Variants in EPS8 observed in about 807,000 individuals in gnomAD.
The protein encoded by EPS8 is epidermal growth factor receptor kinase substrate 8.
A neutral mutation model predicts 103.8 loss-of-function variants in EPS8; 42 were observed. The observed-to-expected ratio is 0.40, with a 90% confidence interval of 0.32 to 0.52. EPS8 has a LOEUF of 0.52. Among genes scored for constraint, EPS8 ranks in the 20% least tolerant of loss-of-function variants. The pLI, the probability that EPS8 is intolerant of heterozygous loss-of-function variation, is 0.40. For synonymous variants in EPS8, 344 were observed against 344.6 expected (o/e 1.00, Z 0.02); for missense variants, 969 against 1,005.1 (o/e 0.96, Z 0.49).
chr12:15,771,971 A>C lies in EPS8; in HGVS notation c.-22+17190T>G, dbSNP rs953234069. Among the ~76,000 whole-genome samples, 4 of 152,054 alleles carry C rather than the reference A, an allele frequency of 2.6e-5. No homozygotes were observed. The highest frequency in any genetic ancestry group is 9.7e-5 in the African/African-American group (4 of 41,382). On this transcript the variant is annotated intron_variant, in intron 1 of 20. Transcript: ENST00000281172. The surrounding 1 kb of genome is among the most constrained non-coding windows in gnomAD (Gnocchi z 4.6). ...AACCCCGTCTCTACTAAAAATACAAAAAATTAGCAGGGCATAGTGGCGGGC... is the reference window on the plus strand; with the variant it reads ...AACCCCGTCTCTACTAAAAATACAACAAATTAGCAGGGCATAGTGGCGGGC...
At chr12:15,658,824 T>C (rs571084171) in intron 10 of EPS8, among the ~76,000 whole-genome samples, 3 of 152,300 alleles carry the variant, frequency 2.0e-5, no homozygotes, top group South Asian at 2.1e-4. Flanking sequence ...ACATACATTG[T>C]AGCCTTTCTC....
intron 1 of EPS8, among the ~76,000 whole-genome samples, chr12:15,689,429 C>T (rs1253096382): frequency 6.6e-6 from 1 of 152,090 alleles, no homozygotes; most frequent in Non-Finnish European, 1.5e-5. Context: ...CCTACCAGGG[C>T]CTGACATAAA....
chr12:15,785,820 G>A lies in EPS8; in HGVS notation c.-22+3341C>T, dbSNP rs542734863. Among the ~76,000 whole-genome samples the A allele has an allele frequency of 5.3e-5, 8 of 152,088 alleles. No individual in the cohort carries two copies. Among genetic ancestry groups the A allele is most frequent in the Non-Finnish European group, 8.8e-5 (6 of 67,916 alleles). On this transcript the variant is annotated intron_variant, in intron 1 of 20. Coordinates refer to ENST00000281172, the MANE Select transcript of EPS8 (RefSeq NM_004447.6). This position sits in a 1 kb window ranked among gnomAD's most constrained non-coding sequence, Gnocchi z 4.9. ...CTTCCAAAAAAACAAAATTCACATT[G>A]ATGGTAGTATGTCAAAGAGGCACTG... is the stretch of plus-strand genomic sequence containing the variant.
intron 14 of EPS8, among the ~76,000 whole-genome samples, chr12:15,647,633 A>G (rs918131280): frequency 6.6e-6 from 1 of 152,246 alleles, no homozygotes; most frequent in Non-Finnish European, 1.5e-5. Context: ...TTAAAATAGC[A>G]GCACTATTAT....
rs1208148114 is a variant in EPS8, at chr12:15,660,755, T to G, written c.811-15A>C. 1 of 1,446,868 alleles carries G rather than the reference T, an allele frequency of 6.9e-7. No homozygotes were observed. The highest frequency in any genetic ancestry group is 1.2e-5 in the South Asian group (1 of 84,144). The allele number at this position is 1,446,868 out of a possible 1,614,324, so 89.6% of individuals were successfully genotyped here. ...TTTAAGATTTGCTGAAATTAGAAATTATAGAATAAAATATAAAACAAAACT... is the reference window on the plus strand; with the variant it reads ...TTTAAGATTTGCTGAAATTAGAAATGATAGAATAAAATATAAAACAAAACT... On this transcript the variant is annotated splice_polypyrimidine_tract_variant and intron_variant, in intron 9 of 20. Transcript: ENST00000281172.
At chr12:15,708,287 A>G (rs764087787) in intron 1 of EPS8, among the ~76,000 whole-genome samples, 10 of 152,196 alleles carry the variant, frequency 6.6e-5, no homozygotes, top group Non-Finnish European at 1.2e-4. Flanking sequence ...AATAATACCT[A>G]CTGTATCAGG....
In EPS8 at chr12:15,721,409, A is replaced by C. The variant is rs1946593933; in HGVS notation, c.-21-38437T>G. 6.6e-6 allele frequency among the ~76,000 whole-genome samples: 1 copy of C among 152,216 alleles called. No homozygotes were observed. Among genetic ancestry groups the C allele is most frequent in the Non-Finnish European group, 1.5e-5 (1 of 68,042 alleles). ...CTGTTTTCCTAGATGTAATGAGGGAAAGAAAGCAATACTGGAAAAACTACA... is the reference window on the plus strand; with the variant it reads ...CTGTTTTCCTAGATGTAATGAGGGACAGAAAGCAATACTGGAAAAACTACA... On this transcript the variant is annotated intron_variant, in intron 1 of 20. Transcript: ENST00000281172. The surrounding 1 kb of genome is among the most constrained non-coding windows in gnomAD (Gnocchi z 4.4).
intron 1 of EPS8, among the ~76,000 whole-genome samples, chr12:15,741,576 C>G (rs1256322966): frequency 6.6e-6 from 1 of 152,122 alleles, no homozygotes; most frequent in African/African-American, 2.4e-5. Flanking sequence ...GTGAGGGCAA[C>G]AAAAATACTA....
At chr12:15,672,046 G>A (rs558457718) in intron 3 of EPS8, among the ~76,000 whole-genome samples, 13 of 152,034 alleles carry the variant, frequency 8.6e-5, no homozygotes, top group Non-Finnish European at 1.5e-4. Context: ...AAACCTAAAG[G>A]CCTTTAAGCC....
chr12:15,644,480 G>A (rs1347400112), intron 15 of EPS8, among the ~76,000 whole-genome samples: 1 of 152,070 alleles, frequency 6.6e-6, no homozygotes, highest in Non-Finnish European at 1.5e-5. Context: ...AGATCACGAG[G>A]TCAGGAGATC....
chr12:15,664,884 TC>T (rs1945680856), intron 8 of EPS8: 1 of 152,238 alleles, frequency 6.6e-6, no homozygotes, highest in Non-Finnish European at 1.5e-5. Context: ...TATAAACATT[TC>T]AGATTCTAGT....
chr12:15,696,815 G>A lies in EPS8; in HGVS notation c.-21-13843C>T, dbSNP rs2900357. Among the ~76,000 whole-genome samples the A allele has an allele frequency of 0.87, 132,795 of 151,972 alleles. 60,838 individuals are homozygous for A. The highest frequency in any genetic ancestry group is 1 in the East Asian group (5,160 of 5,160). ...GAATTACATTCCTAAACTCGGGCATGTGGAATTAAAACCAAGCAGAAACAC... is the reference window on the plus strand; with the variant it reads ...GAATTACATTCCTAAACTCGGGCATATGGAATTAAAACCAAGCAGAAACAC... On this transcript the variant is annotated intron_variant, in intron 1 of 20. Transcript: ENST00000281172. The surrounding 1 kb of genome is among the most constrained non-coding windows in gnomAD (Gnocchi z 4.8).
Position 15,704,372 on chromosome 12 carries a change from A to G in EPS8, c.-21-21400T>C, listed in dbSNP as rs1010992127. Among the ~76,000 whole-genome samples, 2 of 152,226 alleles carry G rather than the reference A, an allele frequency of 1.3e-5. No homozygotes were observed. Among genetic ancestry groups the G allele is most frequent in the East Asian group, 3.8e-4 (2 of 5,196 alleles). On this transcript the variant is annotated intron_variant, in intron 1 of 20. Coordinates refer to ENST00000281172, the MANE Select transcript of EPS8 (RefSeq NM_004447.6). The surrounding 1 kb of genome is among the most constrained non-coding windows in gnomAD (Gnocchi z 4.6). Reference sequence around the variant, plus strand: ...AATAAGTAAAATATCATACATCTACATAAGGGAATTATTTATCCTTTAAAA... The same window carrying G: ...AATAAGTAAAATATCATACATCTACGTAAGGGAATTATTTATCCTTTAAAA...
chr12:15,708,137 T>C (rs1946413429), intron 1 of EPS8, among the ~76,000 whole-genome samples: 1 of 152,218 alleles, frequency 6.6e-6, no homozygotes, highest in Non-Finnish European at 1.5e-5. Flanking sequence ...AAGCTACTTA[T>C]CTGTAATCTA....
chr12:15,677,374 C>T (rs892836485), intron 3 of EPS8, among the ~76,000 whole-genome samples: 1 of 152,152 alleles, frequency 6.6e-6, no homozygotes. Flanking sequence ...CGAGCACATT[C>T]AGTAGAAGCA....
chr12:15,659,339 C>G lies in EPS8; in HGVS notation c.938-754G>C, dbSNP rs548950963. On this transcript the variant is annotated intron_variant, in intron 10 of 20. Transcript: ENST00000281172. The stretch of plus-strand genomic sequence containing the variant: ...AGAGGCTTAAAGACTGCTTCGAAAG[C>G]AGGGTTAAAAAAAATGATAGTAGCT... Among the ~76,000 whole-genome samples, 9 of 151,480 alleles carry G rather than the reference C, an allele frequency of 5.9e-5. No homozygotes were observed. The South Asian group carries it at 1.9e-3, about 32-fold the overall frequency.
intron 1 of EPS8, among the ~76,000 whole-genome samples, chr12:15,687,263 A>G (rs1347727612): frequency 1.3e-5 from 2 of 152,146 alleles, no homozygotes; most frequent in African/African-American, 2.4e-5. Flanking sequence ...TATTTTTTCA[A>G]ATATCAATTA....
chr12:15,629,785 A>G (rs1412798284), intron 18 of EPS8, among the ~76,000 whole-genome samples: 2 of 152,208 alleles, frequency 1.3e-5, no homozygotes, highest in East Asian at 3.8e-4. Context: ...CAGAATTTTT[A>G]GAATTGTTAA....
rs199632809 is a variant in EPS8 at position 15,724,236 on chromosome 12, TA to T, written c.-21-41265del. On this transcript the variant is annotated intron_variant, in intron 1 of 20. Coordinates refer to ENST00000281172, the MANE Select transcript of EPS8 (RefSeq NM_004447.6). ...TTCTTTCAAAGACTTCAACATTAGG[TA>T]AACATGAGACTTAGACCCAGAAAGA... Among the ~76,000 whole-genome samples, 1,045 of 152,230 alleles carry T rather than the reference TA, an allele frequency of 6.9e-3. 9 individuals carry two copies. The highest frequency in any genetic ancestry group is 0.023 in the African/African-American group (969 of 41,550).
Sources: gnomAD v4.1 joint callset for allele counts (sites outside exome capture counted in the v4.1 genomes callset) on GRCh38, gnomAD v4.1.1 for gene constraint, Gnocchi (gnomAD v3.1) non-coding constraint, MANE v1.5 for transcripts, NCBI Gene and HGNC (gene_info 2026-07-23, HGNC 2026-07-21) for gene names.